Variants in CMAS observed in about 807,000 individuals in gnomAD.
CMAS encodes the protein cytidine monophosphate N-acetylneuraminic acid synthetase, also known as N-acylneuraminate cytidylyltransferase.
CMAS carries 21 observed loss-of-function variants against 53.4 expected under a neutral mutation model. The ratio of observed to expected loss-of-function variants is 0.39; its 90% CI spans 0.28 to 0.57. The LOEUF is 0.57. Among genes scored for constraint, CMAS ranks in the 20% least tolerant of loss-of-function variants. The probability of loss-of-function intolerance (pLI) is 0.56; values close to 1 mark genes in which losing one functional copy is unlikely to be tolerated. For missense variants in CMAS, 384 were observed against 534.9 expected (o/e 0.72, Z 2.78); for synonymous variants, 189 against 195.2 (o/e 0.97, Z 0.27).
intron 4 of CMAS, among the ~76,000 whole-genome samples, chr12:22,058,985 C>T (rs1440192097): frequency 1.3e-5 from 2 of 151,910 alleles, no homozygotes; most frequent in Non-Finnish European, 2.9e-5. Context: ...CATATTATTC[C>T]ACTCAAAACT....
At chr12:22,058,021 T>TC (rs1428026312) in intron 3 of CMAS, among the ~76,000 whole-genome samples, 1 of 151,586 alleles carries the variant, frequency 6.6e-6, no homozygotes, top group Non-Finnish European at 1.5e-5. Flanking sequence ...GAGATGGCGT[T>TC]TCACTATGTT....
Position 22,065,305 on chromosome 12 carries a change from A to AAAAT in CMAS, c.1301_1304dup (p.Ter435=). On this transcript the variant is annotated frameshift_variant, in exon 8 of 8. Transcript: ENST00000229329. LOFTEE classifies it high-confidence loss of function. ...TGGAAAAGGTTAATAATTCATGCCA[A>AAAAT]AAATAGAAATTAGCGTAATATTGAG... The AAAAT allele has an allele frequency of 6.2e-7, 1 of 1,607,568 alleles. No individual in the cohort carries two copies.
intron 7 of CMAS, among the ~76,000 whole-genome samples, chr12:22,063,205 T>C (rs927081698): frequency 6.6e-6 from 1 of 152,138 alleles, no homozygotes; most frequent in African/African-American, 2.4e-5. Flanking sequence ...TAACTATAAA[T>C]CATGTATGAA....
chr12:22,061,418 T>C lies in CMAS; in HGVS notation c.926T>C (p.Ile309Thr), dbSNP rs140058524. The change falls in exon 6 of 8, where the codon ATT (isoleucine) becomes ACT (threonine). Residue 309 changes from isoleucine to threonine, a missense_variant. Coordinates refer to ENST00000229329, the MANE Select transcript of CMAS (RefSeq NM_018686.6). ...EIISYDVKDA[I>T]GISLLKKSGI... ...ATATCTTATGATGTAAAAGATGCTATTGGGATAAGTTTATTAAAGAAAAGT... is the reference window on the plus strand; with the variant it reads ...ATATCTTATGATGTAAAAGATGCTACTGGGATAAGTTTATTAAAGAAAAGT... The C allele has an allele frequency of 6.3e-7, 1 of 1,599,260 alleles. No homozygotes were observed. Among genetic ancestry groups the C allele is most frequent in the Non-Finnish European group, 8.5e-7 (1 of 1,170,834 alleles).
rs376728199 is a variant in CMAS at position 22,056,846 on chromosome 12, T to G, written c.559+1236T>G. Among the ~76,000 whole-genome samples the G allele has an allele frequency of 1.6e-4, 25 of 152,144 alleles. 1 individual carries two copies. In the East Asian group the frequency reaches 3.1e-3, roughly 19 times the overall value. On this transcript the variant is annotated intron_variant, in intron 3 of 7. Coordinates refer to ENST00000229329, the MANE Select transcript of CMAS (RefSeq NM_018686.6). ...GCAAAGCTTGATCTTTCTTGTACCT[T>G]CTCCTCATACTCAGCAGATATGACC...
At chr12:22,064,046 C>T (rs527861532) in intron 7 of CMAS, 2 of 152,010 alleles carry the variant, frequency 1.3e-5, no homozygotes, top group African/African-American at 4.8e-5. Flanking sequence ...GTAAATAGAG[C>T]TTAAAGGCTG....
At chr12:22,050,372 C>T (rs887233695) in intron 1 of CMAS, among the ~76,000 whole-genome samples, 38 of 152,152 alleles carry the variant, frequency 2.5e-4, no homozygotes, top group African/African-American at 8.9e-4. Context: ...AGATAATGTA[C>T]GTGCAGCCCT....
intron 7 of CMAS, 64 bp from the exon 8 acceptor site, chr12:22,065,057 A>T: frequency 7.2e-7 from 1 of 1,381,496 alleles, no homozygotes; most frequent in Non-Finnish European, 1.0e-6. Flanking sequence ...TGCTGTCTGC[A>T]TTATTTAGCT....
chr12:22,052,016 T>C (rs1455981560), intron 1 of CMAS, among the ~76,000 whole-genome samples: 1 of 152,228 alleles, frequency 6.6e-6, no homozygotes, highest in Non-Finnish European at 1.5e-5. Context: ...ATAGCTAGCA[T>C]GTGGTGGAGC....
chr12:22,053,903 A>C (rs1040146517), intron 1 of CMAS, among the ~76,000 whole-genome samples: 1 of 145,538 alleles, frequency 6.9e-6, no homozygotes, highest in African/African-American at 2.6e-5. Context: ...CAAAACAAAA[A>C]AACATGGCAG....
intron 4 of CMAS, among the ~76,000 whole-genome samples, chr12:22,059,112 G>A (rs1239871205): frequency 6.8e-6 from 1 of 146,454 alleles, no homozygotes; most frequent in Non-Finnish European, 1.5e-5. Flanking sequence ...TGGGTGTCAG[G>A]AAACCCGGAA....
At chr12:22,048,177 C>G (rs1459683559) in intron 1 of CMAS, among the ~76,000 whole-genome samples, 2 of 152,184 alleles carry the variant, frequency 1.3e-5, no homozygotes, top group Non-Finnish European at 2.9e-5. Flanking sequence ...GTAGAGACAG[C>G]CCTTAGTCTC....
intron 1 of CMAS, among the ~76,000 whole-genome samples, chr12:22,052,764 G>T (rs552044259): frequency 6.6e-6 from 1 of 151,978 alleles, no homozygotes; most frequent in Non-Finnish European, 1.5e-5. Flanking sequence ...TCCTGCGTTC[G>T]CCCTGCATAG....
At chr12:22,058,089 G>A (rs1950280802) in intron 3 of CMAS, among the ~76,000 whole-genome samples, 1 of 151,530 alleles carries the variant, frequency 6.6e-6, no homozygotes, top group Non-Finnish European at 1.5e-5. Flanking sequence ...GGCCTCCACA[G>A]TGCTGGGATT....
chr12:22,063,574 T>G (rs2138190351), intron 7 of CMAS, among the ~76,000 whole-genome samples: 1 of 152,208 alleles, frequency 6.6e-6, no homozygotes, highest in Non-Finnish European at 1.5e-5. Flanking sequence ...TAGTAATAAG[T>G]GTATCATTTA....
intron 1 of CMAS, among the ~76,000 whole-genome samples, chr12:22,054,865 C>G (rs970111709): frequency 2.0e-5 from 3 of 151,878 alleles, no homozygotes; most frequent in African/African-American, 7.3e-5. Context: ...TTTTTTGATC[C>G]TCACCCTCCT....
At position 22,065,216 on chromosome 12, in the gene CMAS, A is replaced by C; in HGVS notation, c.1210A>C (p.Ile404Leu). 1 of 1,614,196 alleles carries C rather than the reference A, an allele frequency of 6.2e-7. No homozygotes were observed. Among genetic ancestry groups the C allele is most frequent in the Non-Finnish European group, 8.5e-7 (1 of 1,180,016 alleles). ...CSTAQKAVGY[I>L]CKCNGGRGAI... ...TACTGCCCAGAAGGCTGTTGGATACATTTGCAAATGTAATGGTGGCCGTGG... is the reference window on the plus strand; with the variant it reads ...TACTGCCCAGAAGGCTGTTGGATACCTTTGCAAATGTAATGGTGGCCGTGG... The change falls in exon 8 of 8, where the codon ATT (isoleucine) becomes CTT (leucine). Residue 404 changes from isoleucine (I) to leucine (L), a missense_variant. Coordinates refer to ENST00000229329, the MANE Select transcript of CMAS (RefSeq NM_018686.6).
At chr12:22,047,632 G>A (rs1329288312) in intron 1 of CMAS, among the ~76,000 whole-genome samples, 1 of 152,098 alleles carries the variant, frequency 6.6e-6, no homozygotes, top group Non-Finnish European at 1.5e-5. Flanking sequence ...ATGGACCAAG[G>A]CAAATAGGAG....
At chr12:22,064,873 G>GT (rs1248498510) in intron 7 of CMAS, among the ~76,000 whole-genome samples, 1 of 152,110 alleles carries the variant, frequency 6.6e-6, no homozygotes, top group African/African-American at 2.4e-5. Flanking sequence ...TGCATGGCAG[G>GT]TAGCAATTAT....
Sources: allele counts gnomAD v4.1 joint callset (sites outside exome capture counted in the v4.1 genomes callset), GRCh38; gene constraint gnomAD v4.1.1; transcripts MANE v1.5; gene names NCBI Gene and HGNC (gene_info 2026-07-23, HGNC 2026-07-21).